The following ARL5A variants were observed in gnomAD, a reference collection of about 807,000 sequenced individuals.
ARL5A encodes ARF like GTPase 5A, also known as ADP-ribosylation factor-like protein 5A.
In ARL5A, 18 loss-of-function variants were observed where a neutral mutation model predicts 25.9. The observed-to-expected ratio is 0.69, with a 90% confidence interval of 0.48 to 1.03. The LOEUF is 1.03. Ranked by LOEUF, ARL5A falls within the 50% of genes least tolerant of loss-of-function variation. The pLI, the probability that ARL5A is intolerant of heterozygous loss-of-function variation, is 0.00. For synonymous variants in ARL5A, 61 were observed against 67.5 expected, an observed-to-expected ratio of 0.90 and a Z score of 0.47; for missense variants, 170 against 211.9, an observed-to-expected ratio of 0.80 and a Z score of 1.23.
chr2:151,816,862 C>T (rs1389089129), intron 1 of ARL5A, among the ~76,000 whole-genome samples: 4 of 152,190 alleles, frequency 2.6e-5, no homozygotes, highest in Admixed American at 2.6e-4. Flanking sequence ...ACAACCAATA[C>T]TGCATAATAG....
At chr2:151,817,322 TATAGA>T (rs1221734091) in intron 1 of ARL5A, among the ~76,000 whole-genome samples, 1 of 152,384 alleles carries the variant, frequency 6.6e-6, no homozygotes, top group African/African-American at 2.4e-5. Flanking sequence ...TCTTCAACTG[TATAGA>T]ATACATATTA....
At chr2:151,810,199 C>T (rs937121378) in intron 4 of ARL5A, among the ~76,000 whole-genome samples, 1 of 152,070 alleles carries the variant, frequency 6.6e-6, no homozygotes, top group African/African-American at 2.4e-5. Flanking sequence ...TTAATGAGTT[C>T]TAAAGTTGTA....
rs2099829109 is a variant in ARL5A, at chr2:151,799,304, T to C, written c.*3972A>G. The C allele has an allele frequency of 6.6e-6, 1 of 152,198 alleles. No homozygotes were observed. Among genetic ancestry groups the C allele is most frequent in the South Asian group, 2.1e-4 (1 of 4,830 alleles). 9.4% of individuals were successfully genotyped at this position (152,198 alleles called of 1,614,324 possible). ...TATTTTTTAAGGATAGGCTTTTCAT[T>C]ACTAACTCCTTTAGACATCTAATGT... is the stretch of plus-strand genomic sequence containing the variant. On this transcript the variant is annotated 3_prime_UTR_variant, in exon 6 of 6. Transcript: ENST00000295087.
At position 151,799,407 on chromosome 2, in the gene ARL5A, G is replaced by A. The variant is rs193277140; in HGVS notation, c.*3869C>T. The A allele has an allele frequency of 3.0e-4, 45 of 152,126 alleles. No individual in the cohort carries two copies. The highest frequency in any genetic ancestry group is 1.0e-3 in the African/African-American group (43 of 41,502). The allele number at this position is 152,126 out of a possible 1,614,324, so 9.4% of individuals were successfully genotyped here. ...GTTTCAAGAATGCCCTTAGATTATAGACTACATATAAATTTGGTTTGGCAT... is the reference window on the plus strand; with the variant it reads ...GTTTCAAGAATGCCCTTAGATTATAAACTACATATAAATTTGGTTTGGCAT... On this transcript the variant is annotated 3_prime_UTR_variant, in exon 6 of 6. Transcript: ENST00000295087.
At position 151,828,198 on chromosome 2, in the gene ARL5A, C is replaced by CCA. The variant is rs1553735381; in HGVS notation, c.-23_-22insTG. ...CCATTCTCGGGCAGCGGACCCCCCCCCTCCAGACACCCGGGCCGCCTGGCT... is the reference window on the plus strand; with the variant it reads ...CCATTCTCGGGCAGCGGACCCCCCCCCACTCCAGACACCCGGGCCGCCTGGCT... On this transcript the variant is annotated 5_prime_UTR_variant, in exon 1 of 6. Coordinates refer to ENST00000295087, the MANE Select transcript of ARL5A (RefSeq NM_012097.4). 4.4e-6 allele frequency: 7 copies of CCA among 1,600,546 alleles called. No homozygotes were observed. The Admixed American group carries it at 1.0e-4, about 23-fold the overall frequency.
chr2:151,815,332 C>A, intron 1 of ARL5A, 133 bp from the exon 2 acceptor site: 1 of 680,228 alleles, frequency 1.5e-6, no homozygotes, highest in South Asian at 2.2e-5. Flanking sequence ...TATACTTTCT[C>A]AGAAGTCAAA....
chr2:151,814,581 C>G (rs80081608), intron 2 of ARL5A, among the ~76,000 whole-genome samples: 2 of 151,690 alleles, frequency 1.3e-5, no homozygotes, highest in African/African-American at 2.4e-5. Flanking sequence ...TTACCCAGGC[C>G]GGAGTGTAGT....
At chr2:151,821,789 C>CTTTTTTTTTTTTTT (rs34042323) in intron 1 of ARL5A, among the ~76,000 whole-genome samples, 2 of 90,156 alleles carry the variant, frequency 2.2e-5, no homozygotes, top group Non-Finnish European at 4.8e-5. Context: ...TTTTTTTTTT[C>CTTTTTTTTTTTTTT]TTTTTTTTTT....
In ARL5A at chr2:151,800,195, A is replaced by G. The variant is rs992854698; in HGVS notation, c.*3081T>C. The G allele has an allele frequency of 6.6e-6, 1 of 151,832 alleles. No homozygotes were observed. Among genetic ancestry groups the G allele is most frequent in the Non-Finnish European group, 1.5e-5 (1 of 67,992 alleles). The allele number at this position is 151,832 out of a possible 1,614,324, so 9.4% of individuals were successfully genotyped here. On this transcript the variant is annotated 3_prime_UTR_variant, in exon 6 of 6. Coordinates refer to ENST00000295087, the MANE Select transcript of ARL5A (RefSeq NM_012097.4). ...TGTCTATAGATTTTCTATTTACACT[A>G]ATATAAACAGGTTTGGAGGTTGTCT...
At chr2:151,822,587 G>A (rs752420766) in intron 1 of ARL5A, among the ~76,000 whole-genome samples, 12 of 152,174 alleles carry the variant, frequency 7.9e-5, no homozygotes, top group Non-Finnish European at 1.5e-4. Flanking sequence ...AATGCACTTC[G>A]AAATAAAGAC....
In ARL5A at chr2:151,810,569, TAA is replaced by T. The variant is rs933003338; in HGVS notation, c.339+1786_339+1787del. ...TAGGTCTTCTTTTTACTTCTGCTAA[TAA>T]AGAGTCTGAATGAGAATACTCAAGT... On this transcript the variant is annotated intron_variant, in intron 4 of 5. Transcript: ENST00000295087. The T allele has an allele frequency of 1.8e-5, 8 of 446,196 alleles. No homozygotes were observed. In the East Asian group the frequency reaches 5.1e-4, roughly 28 times the overall value. 27.6% of individuals were successfully genotyped at this position (446,196 alleles called of 1,614,324 possible). A position where few individuals can be genotyped will look rare whatever the true frequency, so the allele number is the denominator to read the frequency against.
chr2:151,800,278 C>A lies in ARL5A; in HGVS notation c.*2998G>T, dbSNP rs2151289950. 6.6e-6 allele frequency: 1 copy of A among 152,242 alleles called. No individual in the cohort carries two copies. The highest frequency in any genetic ancestry group is 2.4e-5 in the African/African-American group (1 of 41,536). The allele number at this position is 152,242 out of a possible 1,614,324, so 9.4% of individuals were successfully genotyped here. Reference sequence around the variant, plus strand: ...TGTAAAGTGCCTATACAAGAGGGAACAATAGAGTCCTATTTCTAGGCATCT... The same window carrying A: ...TGTAAAGTGCCTATACAAGAGGGAAAAATAGAGTCCTATTTCTAGGCATCT... On this transcript the variant is annotated 3_prime_UTR_variant, in exon 6 of 6. Coordinates refer to ENST00000295087, the MANE Select transcript of ARL5A (RefSeq NM_012097.4).
intron 4 of ARL5A, among the ~76,000 whole-genome samples, 189 bp downstream of exon 4, chr2:151,812,168 T>C (rs931466222): frequency 6.6e-6 from 1 of 152,220 alleles, no homozygotes; most frequent in African/African-American, 2.4e-5. Context: ...ACTTACTCCA[T>C]AATCTTTCTG....
At position 151,815,128 on chromosome 2, in the gene ARL5A, T is replaced by C; in HGVS notation, c.107+11A>G. 1 of 1,586,246 alleles carries C rather than the reference T, an allele frequency of 6.3e-7. No individual in the cohort carries two copies. Among genetic ancestry groups the C allele is most frequent in the Non-Finnish European group, 8.6e-7 (1 of 1,161,486 alleles). ...AGAAATAAAATAATTTTTAAAATAG[T>C]TAATACTTACAATTGGTAAAGAATG... On this transcript the variant is annotated intron_variant, in intron 2 of 5. Transcript: ENST00000295087.
rs536539066 is a variant in ARL5A at position 151,801,828 on chromosome 2, T to A, written c.*1448A>T. 1 of 152,128 alleles carries A rather than the reference T, an allele frequency of 6.6e-6. No individual in the cohort carries two copies. Among genetic ancestry groups the A allele is most frequent in the South Asian group, 2.1e-4 (1 of 4,824 alleles). 9.4% of individuals were successfully genotyped at this position (152,128 alleles called of 1,614,324 possible). ...TAAAACATGTGAGTTTGGATTAACC[T>A]TCAGATTTTCAAGGCATGAAAGATA... On this transcript the variant is annotated 3_prime_UTR_variant, in exon 6 of 6. Transcript: ENST00000295087.
intron 1 of ARL5A, 41 bp from the exon 2 acceptor site, chr2:151,815,240 GA>G (rs202017084): frequency 6.1e-5 from 88 of 1,441,602 alleles, no homozygotes; most frequent in Middle Eastern, 2.3e-4. Context: ...TTCAAAAAAG[GA>G]AAAAAAAAGA....
chr2:151,824,819 G>A (rs1427902722), intron 1 of ARL5A, among the ~76,000 whole-genome samples: 2 of 152,236 alleles, frequency 1.3e-5, no homozygotes, highest in African/African-American at 4.8e-5. Context: ...GTGTGCGTAG[G>A]AGAAATAACT....
chr2:151,815,623 T>C (rs2099831404), intron 1 of ARL5A, among the ~76,000 whole-genome samples: 2 of 152,252 alleles, frequency 1.3e-5, no homozygotes, highest in South Asian at 2.1e-4. Flanking sequence ...GTGGAGTGAA[T>C]GGGAAGGAAA....
rs1553735358 is a variant in ARL5A at position 151,828,193 on chromosome 2, C to CCA, written c.-18_-17insTG. 1.2e-6 allele frequency: 2 copies of CCA among 1,600,620 alleles called. No homozygotes were observed. The highest frequency in any genetic ancestry group is 3.4e-5 in the Admixed American group (2 of 59,036). ...AATTCCCATTCTCGGGCAGCGGACC[C>CCA]CCCCCCTCCAGACACCCGGGCCGCC... On this transcript the variant is annotated 5_prime_UTR_variant, in exon 1 of 6. Transcript: ENST00000295087.
Sources: gnomAD v4.1 joint callset for allele counts (sites outside exome capture counted in the v4.1 genomes callset) on GRCh38, gnomAD v4.1.1 for gene constraint, MANE v1.5 for transcripts, NCBI Gene and HGNC (gene_info 2026-07-23, HGNC 2026-07-21) for gene names.